Variants in TDRKH observed in about 807,000 individuals in gnomAD.
TDRKH encodes the protein tudor and KH domain containing.
In TDRKH, 28 loss-of-function variants were observed where a neutral mutation model predicts 61.3. That is an observed-to-expected ratio of 0.46 (90% confidence interval 0.34 to 0.63). The LOEUF is 0.63. TDRKH is among the 20% of genes least tolerant of loss of function. The probability of loss-of-function intolerance (pLI) is 0.01; values close to 1 mark genes in which losing one functional copy is unlikely to be tolerated. For synonymous variants in TDRKH, 219 were observed against 244.4 expected (o/e 0.90, Z 0.97); for missense variants, 540 against 683.4 (o/e 0.79, Z 2.34).
In TDRKH at chr1:151,780,109, A is replaced by C. The variant is rs1251155302; in HGVS notation, c.263T>G (p.Val88Gly). ...CTCATCGCCTACATCCTCTGTGTCC[A>C]CATCAATCCGAGCACCTGTCTGTTT... ...LRKQTGARID[V>G]DTEDVGDERV... Residue 88 changes from valine (V) to glycine (G), a missense_variant, in exon 4 of 13, where the codon GTG (valine) becomes GGG (glycine). Transcript: ENST00000368824. 6.2e-7 allele frequency: 1 copy of C among 1,613,110 alleles called. No homozygotes were observed. Among genetic ancestry groups the C allele is most frequent in the African/African-American group, 1.3e-5 (1 of 75,046 alleles).
At chr1:151,770,997 A>C (rs1648673152), downstream of TDRKH, 5 of 1,499,532 alleles carry the variant, frequency 3.3e-6, no homozygotes, top group East Asian at 9.7e-5. Context: ...GCCACTCCCT[A>C]GTGGAAGAAA....
intron 3 of TDRKH, among the ~76,000 whole-genome samples, chr1:151,780,815 A>G (rs368959083): frequency 1.3e-4 from 20 of 148,454 alleles, no homozygotes; most frequent in African/African-American, 5.0e-4. Context: ...ATGCCACTGC[A>G]TTCCAGCCTG....
chr1:151,773,109 C>T (rs185737313), downstream of TDRKH, among the ~76,000 whole-genome samples: 326 of 152,234 alleles, frequency 2.1e-3, 1 homozygote, highest in Middle Eastern at 6.8e-3. Flanking sequence ...GTGGCATGAT[C>T]TCAGCTCACT....
intron 6 of TDRKH, 125 bp downstream of exon 6, chr1:151,778,560 C>A (rs1571992511): frequency 6.4e-7 from 1 of 1,561,040 alleles, no homozygotes; most frequent in East Asian, 2.2e-5. Context: ...ACCGAATCTT[C>A]TGTCCTGACC....
At chr1:151,767,639 A>AT, downstream of TDRKH, 1 of 297,422 alleles carries the variant, frequency 3.4e-6, no homozygotes, top group Non-Finnish European at 6.1e-6. Flanking sequence ...CACATATCAT[A>AT]TTGCAATAAC....
rs1648984004 is a variant in TDRKH at position 151,774,748 on chromosome 1, C to T, written c.1595G>A (p.Gly532Glu). The change falls in exon 12 of 13, where the codon GGA becomes GAA. Residue 532 changes from glycine (G) to glutamate (E), a missense_variant. This residue lies in a region of TDRKH where 379 missense variants were observed against 443.8 expected (regional missense o/e 0.85). Transcript: ENST00000368824. ...GCAGGACAGGGTATGTGTTATCTCTCCAGAGCTCTTTTTGGTCTCAGTGAG... is the reference window on the plus strand; with the variant it reads ...GCAGGACAGGGTATGTGTTATCTCTTCAGAGCTCTTTTTGGTCTCAGTGAG... ...TLLTETKKSS[G>E]EITHTLSCLS... 3 of 1,614,046 alleles carry T rather than the reference C, an allele frequency of 1.9e-6. No homozygotes were observed. Among genetic ancestry groups the T allele is most frequent in the African/African-American group, 2.7e-5 (2 of 74,924 alleles).
rs202091105 is a variant in TDRKH, at chr1:151,775,384, A to T, written c.1434+8T>A. 2 of 1,607,860 alleles carry T rather than the reference A, an allele frequency of 1.2e-6. No homozygotes were observed. The highest frequency in any genetic ancestry group is 2.7e-5 in the African/African-American group (2 of 74,736). On this transcript the variant is annotated splice_region_variant and intron_variant, in intron 10 of 12. Transcript: ENST00000368824. Reference sequence around the variant, plus strand: ...ATATGGCAAGCAGTGAGTGAATGCCAGTCTTACCTTCCCATTGCTAGTATC... The same window carrying T: ...ATATGGCAAGCAGTGAGTGAATGCCTGTCTTACCTTCCCATTGCTAGTATC...
chr1:151,772,465 T>C (rs919642542), downstream of TDRKH, among the ~76,000 whole-genome samples: 2 of 152,184 alleles, frequency 1.3e-5, no homozygotes, highest in African/African-American at 4.8e-5. Context: ...CCATGTAGTA[T>C]AGAGGTAGAC....
Position 151,776,802 on chromosome 1 carries a change from T to C in TDRKH, c.884-203A>G, listed in dbSNP as rs138067084. On this transcript the variant is annotated intron_variant, in intron 6 of 12. Transcript: ENST00000368824. Reference sequence around the variant, plus strand: ...TGTACCTTTCCATGTAACTGAGTAATAACAGCTTACATTCTTTGTCATGTG... The same window carrying C: ...TGTACCTTTCCATGTAACTGAGTAACAACAGCTTACATTCTTTGTCATGTG... 6.6e-4 allele frequency among the ~76,000 whole-genome samples: 101 copies of C among 152,374 alleles called. 1 individual carries two copies. The highest frequency in any genetic ancestry group is 2.4e-3 in the African/African-American group (101 of 41,588).
chr1:151,777,289 T>C (rs1395864024), intron 6 of TDRKH, among the ~76,000 whole-genome samples: 1 of 151,906 alleles, frequency 6.6e-6, no homozygotes, highest in Non-Finnish European at 1.5e-5. Flanking sequence ...TACTAAAAAA[T>C]ACAAAAATCA....
downstream of TDRKH, chr1:151,767,335 AC>A: frequency 6.2e-7 from 1 of 1,602,006 alleles, no homozygotes; most frequent in Non-Finnish European, 8.5e-7. Context: ...TGACAGGGCA[AC>A]CCTTTTCTTG....
intron 1 of TDRKH, among the ~76,000 whole-genome samples, chr1:151,788,054 T>C (rs1650513271): frequency 6.6e-6 from 1 of 152,040 alleles, no homozygotes; most frequent in Non-Finnish European, 1.5e-5. Flanking sequence ...ATGCATCTTA[T>C]ACAAGGGACA....
At chr1:151,782,027 G>A (rs981761937) in intron 2 of TDRKH, 11 of 454,214 alleles carry the variant, frequency 2.4e-5, no homozygotes, top group African/African-American at 2.0e-4. Context: ...CAACTAATTA[G>A]AGAAAAGGAA....
downstream of TDRKH, chr1:151,770,377 C>G: frequency 2.2e-6 from 3 of 1,391,092 alleles, no homozygotes; most frequent in Non-Finnish European, 2.9e-6. Context: ...TTCAGGGATT[C>G]TTTTCTTCCC....
chr1:151,767,822 T>C, downstream of TDRKH: 2 of 544,710 alleles, frequency 3.7e-6, no homozygotes, highest in Non-Finnish European at 6.4e-6. Context: ...TACTCCTGGG[T>C]TGAAGTCAAC....
intron 2 of TDRKH, 186 bp from the exon 3 acceptor site, chr1:151,781,773 T>C (rs1175135812): frequency 1.1e-5 from 6 of 568,832 alleles, no homozygotes; most frequent in Non-Finnish European, 1.9e-5. Flanking sequence ...GGATCAGAGA[T>C]GGGCATTTTC....
chr1:151,768,561 T>C (rs1050672262), downstream of TDRKH, among the ~76,000 whole-genome samples: 2 of 152,200 alleles, frequency 1.3e-5, no homozygotes, highest in African/African-American at 4.8e-5. Flanking sequence ...CCAAAACTAG[T>C]TTAGCAACTT....
chr1:151,777,718 A>G (rs1649329236), intron 6 of TDRKH, among the ~76,000 whole-genome samples: 1 of 106,272 alleles, frequency 9.4e-6, no homozygotes, highest in Non-Finnish European at 2.3e-5. Flanking sequence ...AAAAATAGTT[A>G]ATTTTTTTTT....
downstream of TDRKH, chr1:151,769,516 G>A (rs1202691238): frequency 2.2e-5 from 4 of 183,428 alleles, no homozygotes; most frequent in East Asian, 3.6e-4. Context: ...AGACAGGGTC[G>A]TGGCCGGGTA....
Sources: gnomAD v4.1 joint callset for allele counts (sites outside exome capture counted in the v4.1 genomes callset) on GRCh38, gnomAD v4.1.1 for gene constraint, gnomAD v4.1.1 regional missense constraint, MANE v1.5 for transcripts, NCBI Gene and HGNC (gene_info 2026-07-23, HGNC 2026-07-21) for gene names.